EEFSEC: variants seen among roughly 807,000 people sequenced by gnomAD.
EEFSEC encodes the protein selenocysteine-specific elongation factor.
A neutral mutation model predicts 42.1 loss-of-function variants in EEFSEC; 43 were observed. The ratio of observed to expected loss-of-function variants is 1.02; its 90% CI spans 0.80 to 1.32. The LOEUF (loss-of-function observed/expected upper bound fraction) is 1.32. Ranked by LOEUF, EEFSEC falls within the 40% of genes most tolerant of loss-of-function variation. EEFSEC has a pLI of 0.00. For missense variants in EEFSEC, 745 were observed against 803.6 expected (o/e 0.93, Z 0.88); for synonymous variants, 354 against 339.1 (o/e 1.04, Z -0.48).
At chr3:128,332,722 G>C (rs555064785) in intron 4 of EEFSEC, among the ~76,000 whole-genome samples, 34 of 152,336 alleles carry the variant, frequency 2.2e-4, no homozygotes, top group African/African-American at 7.0e-4. Context: ...GTGCTGGGGA[G>C]CTGGGATCTC....
intron 1 of EEFSEC, among the ~76,000 whole-genome samples, chr3:128,208,644 G>A (rs1369058587): frequency 6.6e-6 from 1 of 152,216 alleles, no homozygotes; most frequent in African/African-American, 2.4e-5. Flanking sequence ...CTCTGGCATT[G>A]AGTGGATTGC....
chr3:128,183,771 G>GGA (rs2065436130), intron 1 of EEFSEC, among the ~76,000 whole-genome samples: 1 of 152,166 alleles, frequency 6.6e-6, no homozygotes, highest in Non-Finnish European at 1.5e-5. Context: ...ATAGACTACT[G>GGA]GAGAGATATT....
At chr3:128,421,212 C>T in the EEFSEC span, among the ~76,000 whole-genome samples, 1 of 152,242 alleles carries the variant, frequency 6.6e-6, no homozygotes, top group Non-Finnish European at 1.5e-5. Flanking sequence ...GGCAGGGTTA[C>T]CAGTCTGGGC....
chr3:128,270,256 C>T (rs940442632), intron 4 of EEFSEC, among the ~76,000 whole-genome samples: 5 of 152,108 alleles, frequency 3.3e-5, no homozygotes, highest in Non-Finnish European at 7.3e-5. Flanking sequence ...TTGTGGGTTC[C>T]GGAAGTAGTA....
intron 1 of EEFSEC, among the ~76,000 whole-genome samples, chr3:128,215,121 A>G (rs989252670): frequency 2.6e-5 from 4 of 152,176 alleles, no homozygotes; most frequent in African/African-American, 9.7e-5. Flanking sequence ...TGTTAATAGT[A>G]CCTGGACCAC....
intron 1 of EEFSEC, among the ~76,000 whole-genome samples, chr3:128,226,558 T>C (rs1210881867): frequency 6.6e-6 from 1 of 152,214 alleles, no homozygotes; most frequent in Non-Finnish European, 1.5e-5. Flanking sequence ...TCCTGTGCCC[T>C]GAATGGCCCC....
At chr3:128,369,871 C>T (rs2067632878) in intron 6 of EEFSEC, among the ~76,000 whole-genome samples, 6 of 152,240 alleles carry the variant, frequency 3.9e-5, no homozygotes, top group Admixed American at 3.9e-4. Flanking sequence ...GGTGCTGCTG[C>T]TGTGCCTGCA....
chr3:128,200,188 G>A (rs1396614519), intron 1 of EEFSEC, among the ~76,000 whole-genome samples: 1 of 152,220 alleles, frequency 6.6e-6, no homozygotes, highest in African/African-American at 2.4e-5. Context: ...TTCAAGATCA[G>A]TCAGCTTTCA....
At chr3:128,414,869 T>C in the EEFSEC span, among the ~76,000 whole-genome samples, 1 of 152,064 alleles carries the variant, frequency 6.6e-6, no homozygotes, top group Non-Finnish European at 1.5e-5. Flanking sequence ...AGTGGGGCCA[T>C]GGCTGGAGTC....
intron 4 of EEFSEC, among the ~76,000 whole-genome samples, chr3:128,339,953 G>A (rs933398722): frequency 1.3e-5 from 2 of 152,104 alleles, no homozygotes; most frequent in African/African-American, 4.8e-5. Context: ...CTACCAGTAT[G>A]GGGGAAAGCA....
Position 128,341,802 on chromosome 3 carries a change from C to G in EEFSEC, c.1356C>G (p.His452Gln). The change falls in exon 5 of 7, where the codon CAC becomes CAG. Residue 452 changes from histidine (H) to glutamine (Q), a missense_variant. Coordinates refer to ENST00000254730, the MANE Select transcript of EEFSEC (RefSeq NM_021937.5). ...TAGCCTTCCATGGCATCCTGCTCCA[C>G]GGGCTAGAGGACAGGAACTACGCCG... Reference protein sequence around the residue: ...CRLAFHGILLHGLEDRNYADS... With the variant: ...CRLAFHGILLQGLEDRNYADS... The G allele has an allele frequency of 1.2e-6, 2 of 1,614,108 alleles. No individual in the cohort carries two copies. Among genetic ancestry groups the G allele is most frequent in the Non-Finnish European group, 1.7e-6 (2 of 1,180,048 alleles).
intron 4 of EEFSEC, among the ~76,000 whole-genome samples, chr3:128,278,624 TAGAAA>T (rs1162456719): frequency 6.6e-6 from 1 of 152,218 alleles, no homozygotes; most frequent in Non-Finnish European, 1.5e-5. Flanking sequence ...GGCCTCTGGC[TAGAAA>T]AGAAAAGTTA....
chr3:128,207,283 A>G lies in EEFSEC; in HGVS notation c.317-39553A>G, dbSNP rs376461354. On this transcript the variant is annotated intron_variant, in intron 1 of 6. Coordinates refer to ENST00000254730, the MANE Select transcript of EEFSEC (RefSeq NM_021937.5). ...CCATTTTCTTCCCTCCATCTTCCTG[A>G]CTCCTTGCTTTCAATTGTCTGGCTT... Among the ~76,000 whole-genome samples the G allele has an allele frequency of 2.6e-5, 3 of 113,372 alleles. No individual in the cohort carries two copies. In the East Asian group the frequency reaches 7.8e-4, roughly 30 times the overall value. 74.4% of individuals were successfully genotyped at this position (113,372 alleles called of 152,430 possible).
intron 1 of EEFSEC, among the ~76,000 whole-genome samples, chr3:128,176,216 TG>T (rs1268888905): frequency 6.6e-6 from 1 of 151,956 alleles, no homozygotes; most frequent in African/African-American, 2.4e-5. Flanking sequence ...GCAGGCTAGA[TG>T]GATGGTCTCT....
intron 2 of EEFSEC, among the ~76,000 whole-genome samples, chr3:128,256,704 A>C (rs1461752462): frequency 6.6e-6 from 1 of 152,176 alleles, no homozygotes; most frequent in Non-Finnish European, 1.5e-5. Context: ...GTTATCTTTA[A>C]TTCATTTGGT....
At chr3:128,270,224 T>C (rs1438069402) in intron 4 of EEFSEC, among the ~76,000 whole-genome samples, 2 of 152,246 alleles carry the variant, frequency 1.3e-5, no homozygotes, top group African/African-American at 4.8e-5. Context: ...CCATTTGATA[T>C]TATTCTCATG....
At chr3:128,275,898 G>A (rs896044429) in intron 4 of EEFSEC, among the ~76,000 whole-genome samples, 3 of 152,170 alleles carry the variant, frequency 2.0e-5, no homozygotes, top group African/African-American at 7.2e-5. Flanking sequence ...AGCTGGAGTC[G>A]GGTCCTGTAG....
At chr3:128,399,563 A>T (rs977367400) in intron 6 of EEFSEC, among the ~76,000 whole-genome samples, 13 of 152,004 alleles carry the variant, frequency 8.6e-5, no homozygotes, top group Admixed American at 3.3e-4. Context: ...CATAGCTGGG[A>T]GGGAAGGAGA....
intron 6 of EEFSEC, among the ~76,000 whole-genome samples, chr3:128,388,317 A>T (rs1294996260): frequency 6.6e-6 from 1 of 152,112 alleles, no homozygotes; most frequent in Non-Finnish European, 1.5e-5. Context: ...CTGCATGCCA[A>T]GTCCCCCTCC....
Sources: gnomAD v4.1 joint callset for allele counts (sites outside exome capture counted in the v4.1 genomes callset) on GRCh38, gnomAD v4.1.1 for gene constraint, MANE v1.5 for transcripts, NCBI Gene and HGNC (gene_info 2026-07-23, HGNC 2026-07-21) for gene names.